Variants in FTO observed in about 807,000 individuals in gnomAD.
FTO encodes FTO alpha-ketoglutarate dependent dioxygenase.
A neutral mutation model predicts 63.9 loss-of-function variants in FTO; 47 were observed. That is an observed-to-expected ratio of 0.74 (90% CI 0.58 to 0.94). FTO has a LOEUF of 0.94. Among genes scored for constraint, FTO ranks in the 40% least tolerant of loss-of-function variants. FTO has a pLI of 0.00. For missense variants in FTO, 562 were observed against 618.1 expected (o/e 0.91, Z 0.96); for synonymous variants, 207 against 224.4 (o/e 0.92, Z 0.69).
chr16:54,035,802 C>G (rs187722782), intron 8 of FTO, among the ~76,000 whole-genome samples: 17 of 152,298 alleles, frequency 1.1e-4, no homozygotes, highest in Admixed American at 5.2e-4. Flanking sequence ...AGAGGTTTTT[C>G]TGTCTTCCTT....
rs1359661671 is a variant in FTO, at chr16:54,119,616, G to A, written c.*7701G>A. 5.3e-5 allele frequency: 8 copies of A among 152,264 alleles called. No homozygotes were observed. The highest frequency in any genetic ancestry group is 1.9e-4 in the East Asian group (1 of 5,182). 9.4% of individuals were successfully genotyped at this position (152,264 alleles called of 1,614,324 possible). ...CAATCAAGCCATGTTTACCATGGACGTTTAGTTTTCTTTTCTCAAAATCAA... is the reference window on the plus strand; with the variant it reads ...CAATCAAGCCATGTTTACCATGGACATTTAGTTTTCTTTTCTCAAAATCAA... On this transcript the variant is annotated 3_prime_UTR_variant, in exon 9 of 9. Transcript: ENST00000471389.
intron 7 of FTO, among the ~76,000 whole-genome samples, chr16:53,906,313 GT>G: frequency 6.6e-6 from 1 of 152,300 alleles, no homozygotes; most frequent in East Asian, 1.9e-4. Context: ...CCTGACATGT[GT>G]TTAGGGTTGA....
chr16:54,001,291 A>C (rs1450236593), intron 8 of FTO, among the ~76,000 whole-genome samples: 2 of 152,224 alleles, frequency 1.3e-5, no homozygotes, highest in Non-Finnish European at 2.9e-5. Flanking sequence ...GTGCCATTCT[A>C]TTCCGTGAGC....
At chr16:54,089,009 T>C (rs991637319) in intron 8 of FTO, among the ~76,000 whole-genome samples, 4 of 152,218 alleles carry the variant, frequency 2.6e-5, no homozygotes, top group Non-Finnish European at 2.9e-5. Context: ...GGAAGTTCTT[T>C]TGAAGAATGA....
intron 1 of FTO, among the ~76,000 whole-genome samples, chr16:53,760,602 T>A (rs536575382): frequency 4.6e-4 from 69 of 148,466 alleles, no homozygotes; most frequent in Non-Finnish European, 8.6e-4. Flanking sequence ...TCTTTTAACA[T>A]CTCTCATCTG....
At chr16:54,090,605 G>A (rs180864662) in intron 8 of FTO, among the ~76,000 whole-genome samples, 3 of 152,236 alleles carry the variant, frequency 2.0e-5, no homozygotes, top group South Asian at 2.1e-4. Context: ...GCATGTCATC[G>A]ACAGTTACAA....
At chr16:53,718,373 C>T (rs181007250) in intron 1 of FTO, among the ~76,000 whole-genome samples, 22 of 152,176 alleles carry the variant, frequency 1.4e-4, no homozygotes, top group Middle Eastern at 3.4e-3. Flanking sequence ...TATTTGGCCA[C>T]AATACAGAAT....
chr16:53,718,349 G>A (rs894624458), intron 1 of FTO, among the ~76,000 whole-genome samples: 13 of 151,884 alleles, frequency 8.6e-5, no homozygotes. Flanking sequence ...TTTTTTATGT[G>A]TTTGCTATTT....
At chr16:54,009,710 A>G (rs1465562680) in intron 8 of FTO, among the ~76,000 whole-genome samples, 2 of 152,090 alleles carry the variant, frequency 1.3e-5, no homozygotes, top group East Asian at 1.9e-4. Context: ...TCTGCCTCAC[A>G]AGTTGCTGGC....
At chr16:54,082,612 T>C (rs1361773500) in intron 8 of FTO, among the ~76,000 whole-genome samples, 3 of 152,206 alleles carry the variant, frequency 2.0e-5, no homozygotes, top group African/African-American at 7.2e-5. Context: ...GCTGATAGCC[T>C]AGATGGTAGA....
chr16:53,736,356 A>T (rs899856186), intron 1 of FTO, among the ~76,000 whole-genome samples: 4 of 134,400 alleles, frequency 3.0e-5, no homozygotes, highest in Non-Finnish European at 6.3e-5. Context: ...AAGTATAATT[A>T]AAAAAAAAAA....
intron 7 of FTO, among the ~76,000 whole-genome samples, chr16:53,924,017 A>G (rs906562764): frequency 6.6e-6 from 1 of 152,154 alleles, no homozygotes; most frequent in African/African-American, 2.4e-5. Flanking sequence ...AAAAATAAGT[A>G]GTCATTCATA....
chr16:53,832,313 C>T (rs560571953), intron 3 of FTO, among the ~76,000 whole-genome samples: 1 of 152,324 alleles, frequency 6.6e-6, no homozygotes, highest in African/African-American at 2.4e-5. Flanking sequence ...TTTCAACACA[C>T]CTGTGAAACT....
intron 8 of FTO, chr16:53,992,853 T>C (rs886361669): frequency 6.6e-6 from 1 of 152,206 alleles, no homozygotes; most frequent in Admixed American, 6.5e-5. Flanking sequence ...TATATGGTCA[T>C]GAAGAAGGTT....
At chr16:53,973,544 T>C (rs2083376005) in intron 8 of FTO, among the ~76,000 whole-genome samples, 1 of 152,160 alleles carries the variant, frequency 6.6e-6, no homozygotes, top group Admixed American at 6.5e-5. Flanking sequence ...GGGCTAGTTT[T>C]GAGGATAGTG....
intron 8 of FTO, among the ~76,000 whole-genome samples, chr16:53,941,178 A>C (rs2082520729): frequency 6.6e-6 from 1 of 152,234 alleles, no homozygotes; most frequent in African/African-American, 2.4e-5. Flanking sequence ...CGTCCAGTTT[A>C]GCAATTAACT....
At chr16:54,097,128 T>C (rs1440840019) in intron 8 of FTO, among the ~76,000 whole-genome samples, 1 of 152,156 alleles carries the variant, frequency 6.6e-6, no homozygotes, top group Non-Finnish European at 1.5e-5. Flanking sequence ...ACAGTTTTTT[T>C]AGAGATGGGA....
chr16:54,032,092 G>T (rs1428299669), intron 8 of FTO, among the ~76,000 whole-genome samples: 1 of 152,222 alleles, frequency 6.6e-6, no homozygotes, highest in African/African-American at 2.4e-5. Context: ...TGATGCTGGT[G>T]ATATTACAGG....
intron 8 of FTO, among the ~76,000 whole-genome samples, chr16:53,936,630 G>A (rs1311851080): frequency 6.6e-6 from 1 of 152,172 alleles, no homozygotes. Context: ...AATTACACAA[G>A]GAAAAATGTG....
Sources: allele counts gnomAD v4.1 joint callset (sites outside exome capture counted in the v4.1 genomes callset), GRCh38; gene constraint gnomAD v4.1.1; transcripts MANE v1.5; gene names NCBI Gene and HGNC (gene_info 2026-07-23, HGNC 2026-07-21).